Variants in FBXL17 observed in about 807,000 individuals in gnomAD.
FBXL17 encodes F-box/LRR-repeat protein 17.
In FBXL17, 22 loss-of-function variants were observed where a neutral mutation model predicts 66.2. The ratio of observed to expected loss-of-function variants is 0.33; its 90% CI spans 0.24 to 0.47. The LOEUF (loss-of-function observed/expected upper bound fraction) is 0.47. Ranked by LOEUF, FBXL17 falls within the 20% of genes least tolerant of loss-of-function variation. The probability of loss-of-function intolerance (pLI) is 1.00; values close to 1 mark genes in which losing one functional copy is unlikely to be tolerated. For missense variants in FBXL17, 878 were observed against 948.2 expected (o/e 0.93, Z 0.97); for synonymous variants, 474 against 400.5 (o/e 1.18, Z -2.19).
At chr5:108,119,670 T>C (rs777612929) in intron 6 of FBXL17, among the ~76,000 whole-genome samples, 1 of 152,240 alleles carries the variant, frequency 6.6e-6, no homozygotes, top group African/African-American at 2.4e-5. Context: ...ATTAGCTGTA[T>C]AGTAACTTGT....
rs562646462 is a variant in FBXL17 at position 107,867,887 on chromosome 5, C to G, written c.1966-6027G>C. ...TGCTCCATGCTCCCACTGCTAAACA[C>G]GTAGTATTAGGCTTTCGTGTGTTAA... On this transcript the variant is annotated intron_variant, in intron 8 of 8. Coordinates refer to ENST00000542267, the MANE Select transcript of FBXL17 (RefSeq NM_001163315.3). Among the ~76,000 whole-genome samples, 9 of 152,266 alleles carry G rather than the reference C, an allele frequency of 5.9e-5. No homozygotes were observed. In the East Asian group the frequency reaches 1.5e-3, roughly 26 times the overall value.
chr5:108,203,282 T>C (rs1438099838), intron 5 of FBXL17, among the ~76,000 whole-genome samples: 2 of 152,110 alleles, frequency 1.3e-5, no homozygotes, highest in African/African-American at 2.4e-5. Flanking sequence ...TATCCTTCTT[T>C]TACAGATGAG....
intron 4 of FBXL17, among the ~76,000 whole-genome samples, chr5:108,268,282 T>C (rs1440517496): frequency 5.3e-5 from 8 of 152,036 alleles, no homozygotes; most frequent in Non-Finnish European, 1.0e-4. Context: ...GATGTGGGTG[T>C]GTGTGTGTCT....
At chr5:108,044,443 G>A (rs969049646) in intron 6 of FBXL17, among the ~76,000 whole-genome samples, 20 of 152,076 alleles carry the variant, frequency 1.3e-4, no homozygotes, top group African/African-American at 4.8e-4. Flanking sequence ...ATATGATCAT[G>A]TGATCTTTTG....
intron 4 of FBXL17, among the ~76,000 whole-genome samples, chr5:108,269,713 T>A (rs1757188363): frequency 6.6e-6 from 1 of 151,978 alleles, no homozygotes; most frequent in Admixed American, 6.6e-5. Context: ...GATTGTAAGG[T>A]CTTCCAAAGA....
intron 3 of FBXL17, among the ~76,000 whole-genome samples, chr5:108,349,418 T>C (rs756067482): frequency 6.6e-6 from 1 of 152,108 alleles, no homozygotes; most frequent in Non-Finnish European, 1.5e-5. Context: ...TTAATAAACA[T>C]TGCTTTTGTA....
intron 3 of FBXL17, among the ~76,000 whole-genome samples, chr5:108,353,856 C>T (rs947931315): frequency 1.3e-5 from 2 of 152,192 alleles, no homozygotes; most frequent in African/African-American, 4.8e-5. Context: ...TCCTCCTCTC[C>T]CCACACCTAA....
intron 6 of FBXL17, among the ~76,000 whole-genome samples, chr5:108,162,012 T>C (rs935115619): frequency 1.3e-5 from 2 of 152,202 alleles, no homozygotes; most frequent in Non-Finnish European, 2.9e-5. Context: ...AAGGGATAAA[T>C]AGAAATTATG....
At chr5:108,067,819 G>T (rs1748175415) in intron 6 of FBXL17, among the ~76,000 whole-genome samples, 3 of 152,140 alleles carry the variant, frequency 2.0e-5, no homozygotes, top group African/African-American at 7.2e-5. Flanking sequence ...AGTAACAAAG[G>T]TTTAGTTTAC....
intron 7 of FBXL17, among the ~76,000 whole-genome samples, chr5:107,908,133 A>C (rs1282520254): frequency 6.6e-6 from 1 of 152,176 alleles, no homozygotes; most frequent in African/African-American, 2.4e-5. Context: ...TGATGAGTTC[A>C]TGTCCTTCGT....
intron 7 of FBXL17, among the ~76,000 whole-genome samples, chr5:107,994,331 T>TGTTATTTAAA (rs1753380026): frequency 6.6e-6 from 1 of 152,128 alleles, no homozygotes; most frequent in African/African-American, 2.4e-5. Context: ...CATGTTTTCT[T>TGTTATTTAAA]GCTAATACAC....
chr5:108,115,464 G>A (rs148440448), intron 6 of FBXL17, among the ~76,000 whole-genome samples: 31 of 151,904 alleles, frequency 2.0e-4, no homozygotes, highest in African/African-American at 5.3e-4. Context: ...CTGTTTCTAT[G>A]TAAATCTCAT....
intron 4 of FBXL17, among the ~76,000 whole-genome samples, chr5:108,339,447 G>A (rs555531425): frequency 3.2e-4 from 48 of 151,882 alleles, no homozygotes; most frequent in East Asian, 1.5e-3. Flanking sequence ...ACTATCTCCC[G>A]TTGCCAACAC....
At chr5:108,276,706 A>G (rs1259539081) in intron 4 of FBXL17, among the ~76,000 whole-genome samples, 2 of 152,190 alleles carry the variant, frequency 1.3e-5, no homozygotes, top group Admixed American at 6.5e-5. Flanking sequence ...GTGAAGCTCA[A>G]TATTAGCAAA....
chr5:107,951,897 T>C (rs754599584), intron 7 of FBXL17, among the ~76,000 whole-genome samples: 53 of 152,300 alleles, frequency 3.5e-4, no homozygotes, highest in South Asian at 6.2e-4. Flanking sequence ...AACCTTTACT[T>C]GTACAAAACC....
At chr5:108,346,672 G>A (rs777810653) in intron 4 of FBXL17, among the ~76,000 whole-genome samples, 1 of 152,100 alleles carries the variant, frequency 6.6e-6, no homozygotes, top group African/African-American at 2.4e-5. Context: ...AAACTACTAT[G>A]TTTTACATAT....
intron 7 of FBXL17, among the ~76,000 whole-genome samples, chr5:107,897,410 G>T (rs1749419877): frequency 6.6e-6 from 1 of 152,154 alleles, no homozygotes; most frequent in Non-Finnish European, 1.5e-5. Context: ...AATACCAGCT[G>T]CCAGTCTTTT....
intron 4 of FBXL17, among the ~76,000 whole-genome samples, chr5:108,313,719 C>G (rs1759229734): frequency 6.6e-6 from 1 of 151,836 alleles, no homozygotes; most frequent in Admixed American, 6.6e-5. Flanking sequence ...CATTCAACAG[C>G]CTGAGTGACA....
At chr5:108,232,755 T>C (rs1247889158) in intron 4 of FBXL17, among the ~76,000 whole-genome samples, 2 of 120,898 alleles carry the variant, frequency 1.7e-5, no homozygotes, top group Admixed American at 8.5e-5. Context: ...CTTGTGTTTG[T>C]GTAAGTTAAT....
Sources: allele counts gnomAD v4.1 joint callset (sites outside exome capture counted in the v4.1 genomes callset), GRCh38; gene constraint gnomAD v4.1.1; transcripts MANE v1.5; gene names NCBI Gene and HGNC (gene_info 2026-07-23, HGNC 2026-07-21).